The following GPR158 variants were observed in gnomAD, a reference collection of about 807,000 sequenced individuals.
GPR158 encodes the protein metabotropic glycine receptor.
Under a neutral mutation model 78.2 loss-of-function variants are expected in GPR158, and 30 were observed. The observed-to-expected ratio is 0.38, with a 90% CI of 0.29 to 0.52. The LOEUF (loss-of-function observed/expected upper bound fraction) is 0.52. GPR158 is among the 20% of genes least tolerant of loss of function. GPR158 has a pLI of 0.83. For missense variants in GPR158, 1,463 were observed against 1,523.5 expected (o/e 0.96, Z 0.66); for synonymous variants, 581 against 591.1 (o/e 0.98, Z 0.25).
intron 1 of GPR158, 133 bp from the exon 2 acceptor site, chr10:25,220,919 G>C (rs1853291231): frequency 3.3e-6 from 2 of 597,634 alleles, no homozygotes; most frequent in South Asian, 2.1e-5. Flanking sequence ...GGTGCACTTT[G>C]GTTGAATATG....
intron 2 of GPR158, among the ~76,000 whole-genome samples, chr10:25,228,936 G>A (rs1033560810): frequency 2.6e-5 from 4 of 151,864 alleles, no homozygotes; most frequent in Admixed American, 2.6e-4. Flanking sequence ...TCGGGAGGCT[G>A]AGGTAGCAGA....
chr10:25,280,239 A>T (rs1488665439), intron 2 of GPR158, among the ~76,000 whole-genome samples: 1 of 152,206 alleles, frequency 6.6e-6, no homozygotes, highest in African/African-American at 2.4e-5. Context: ...ACACACTCAA[A>T]GCATAAGGAC....
intron 2 of GPR158, among the ~76,000 whole-genome samples, chr10:25,295,704 C>T (rs1024036918): frequency 7.2e-5 from 11 of 152,124 alleles, no homozygotes; most frequent in South Asian, 2.1e-4. Context: ...TGAGCCACCG[C>T]GCCCGGCCTG....
chr10:25,241,141 C>CTTTG (rs1467885814), intron 2 of GPR158, among the ~76,000 whole-genome samples: 1 of 90,840 alleles, frequency 1.1e-5, no homozygotes, highest in African/African-American at 4.7e-5. Context: ...TTCTTTCTTT[C>CTTTG]TTTCTTTCTT....
At chr10:25,516,436 G>C (rs1445285653) in intron 5 of GPR158, among the ~76,000 whole-genome samples, 3 of 151,972 alleles carry the variant, frequency 2.0e-5, no homozygotes, top group Non-Finnish European at 2.9e-5. Context: ...TGGACGTGAA[G>C]TCCTTGCCCA....
chr10:25,444,218 G>A (rs1307867685), intron 4 of GPR158, among the ~76,000 whole-genome samples: 1 of 151,808 alleles, frequency 6.6e-6, no homozygotes, highest in Non-Finnish European at 1.5e-5. Context: ...ATACTTCAGA[G>A]AGCAGGAATA....
intron 1 of GPR158, among the ~76,000 whole-genome samples, chr10:25,186,706 G>C (rs1248943199): frequency 6.6e-6 from 1 of 152,092 alleles, no homozygotes; most frequent in African/African-American, 2.4e-5. Flanking sequence ...ACCAATAACA[G>C]GCTCTGAAAT....
chr10:25,295,581 T>C (rs1041234179), intron 2 of GPR158, among the ~76,000 whole-genome samples: 3 of 151,994 alleles, frequency 2.0e-5, no homozygotes, highest in Non-Finnish European at 4.4e-5. Context: ...GCCCGGCTAA[T>C]TTTTTGTATT....
intron 2 of GPR158, among the ~76,000 whole-genome samples, chr10:25,284,607 C>A (rs1200999937): frequency 4.0e-5 from 6 of 151,616 alleles, no homozygotes. Flanking sequence ...ATATTTAAAT[C>A]ATTTACATTT....
intron 2 of GPR158, among the ~76,000 whole-genome samples, chr10:25,307,403 A>T (rs1456296521): frequency 2.7e-5 from 3 of 111,466 alleles, no homozygotes; most frequent in Non-Finnish European, 5.4e-5. Flanking sequence ...TTTTTTTTTA[A>T]GACAAGGTCT....
intron 4 of GPR158, among the ~76,000 whole-genome samples, chr10:25,460,651 G>T (rs894658056): frequency 6.6e-6 from 1 of 151,970 alleles, no homozygotes; most frequent in Non-Finnish European, 1.5e-5. Flanking sequence ...CCTTTTCTCT[G>T]GAAACAAACA....
intron 5 of GPR158, among the ~76,000 whole-genome samples, chr10:25,469,783 C>CAAAAAAAAAA (rs34432893): frequency 2.1e-5 from 1 of 47,362 alleles, no homozygotes; most frequent in African/African-American, 7.7e-5. Flanking sequence ...GACTCCATCT[C>CAAAAAAAAAA]AAAAAAAAAA....
At chr10:25,309,708 T>C (rs1358606276) in intron 2 of GPR158, among the ~76,000 whole-genome samples, 1 of 152,154 alleles carries the variant, frequency 6.6e-6, no homozygotes, top group Non-Finnish European at 1.5e-5. Flanking sequence ...GGGTGGGTCT[T>C]TCCTGTGCTT....
intron 4 of GPR158, among the ~76,000 whole-genome samples, chr10:25,419,879 G>T (rs1338079623): frequency 2.0e-5 from 3 of 152,052 alleles, no homozygotes; most frequent in Non-Finnish European, 4.4e-5. Flanking sequence ...CACTCTTGAT[G>T]TTGTACATTC....
At chr10:25,204,444 T>C (rs1333754933) in intron 1 of GPR158, among the ~76,000 whole-genome samples, 1 of 152,218 alleles carries the variant, frequency 6.6e-6, no homozygotes, top group African/African-American at 2.4e-5. Context: ...ACCTAGTTTA[T>C]TGAGAGTTTT....
chr10:25,346,295 G>A (rs1206443842), intron 2 of GPR158, among the ~76,000 whole-genome samples: 1 of 151,768 alleles, frequency 6.6e-6, no homozygotes, highest in African/African-American at 2.4e-5. Context: ...TTCAATTCTA[G>A]TTTTAATGTG....
intron 5 of GPR158, among the ~76,000 whole-genome samples, chr10:25,512,393 A>G (rs1352315261): frequency 6.6e-6 from 1 of 152,116 alleles, no homozygotes; most frequent in Non-Finnish European, 1.5e-5. Flanking sequence ...ATAACCTGAA[A>G]CTTTGCTGAA....
chr10:25,262,182 C>T (rs1230103462), intron 2 of GPR158, among the ~76,000 whole-genome samples: 1 of 152,076 alleles, frequency 6.6e-6, no homozygotes, highest in East Asian at 1.9e-4. Context: ...GAACAGATGG[C>T]TTAACCAGGA....
intron 5 of GPR158, among the ~76,000 whole-genome samples, chr10:25,535,409 G>A (rs1165281406): frequency 6.6e-6 from 1 of 152,212 alleles, no homozygotes; most frequent in East Asian, 1.9e-4. Flanking sequence ...ACTGAGAATG[G>A]CCTCCAACCC....
Sources: allele counts gnomAD v4.1 joint callset (sites outside exome capture counted in the v4.1 genomes callset), GRCh38; gene constraint gnomAD v4.1.1; transcripts MANE v1.5; gene names NCBI Gene and HGNC (gene_info 2026-07-23, HGNC 2026-07-21).